UBR4: variants seen among roughly 807,000 people sequenced by gnomAD.
UBR4 encodes the protein ubiquitin protein ligase E3 component n-recognin 4, also known as E3 ubiquitin-protein ligase UBR4.
UBR4 carries 124 observed loss-of-function variants against 575.6 expected under a neutral mutation model. The ratio of observed to expected loss-of-function variants is 0.22; its 90% CI spans 0.19 to 0.25. The LOEUF is 0.25. UBR4 is among the 10% of genes least tolerant of loss of function. The pLI, the probability that UBR4 is intolerant of heterozygous loss-of-function variation, is 1.00. For missense variants in UBR4, 4,818 were observed against 6,478.8 expected, an observed-to-expected ratio of 0.74 and a Z score of 8.80; for synonymous variants, 2,455 against 2,473.7, an observed-to-expected ratio of 0.99 and a Z score of 0.22.
Position 19,170,874 on chromosome 1 carries a change from C to G in UBR4, c.3531G>C (p.Leu1177Phe). 6.2e-7 allele frequency: 1 copy of G among 1,614,130 alleles called. No homozygotes were observed. The highest frequency in any genetic ancestry group is 2.2e-5 in the East Asian group (1 of 44,874). Residue 1177 changes from leucine to phenylalanine, a missense_variant, in exon 26 of 106, where the codon TTG (leucine) becomes TTC (phenylalanine). This residue lies in a region of UBR4 where 1,172 missense variants were observed against 1,259.7 expected (regional missense o/e 0.93). Coordinates refer to ENST00000375254, the MANE Select transcript of UBR4 (RefSeq NM_020765.3). The part of the protein sequence containing the change: ...DTYASFTRAY[L>F]LQNFNEEGTT... ...TTCCCTCTTCATTAAAGTTTTGCAG[C>G]AAATAGGCTCTGGGGAAAAAACAGG... is the stretch of plus-strand genomic sequence containing the variant.
intron 31 of UBR4, 21 bp from the exon 32 acceptor site, chr1:19,165,018 C>T (rs1023967475): frequency 6.2e-7 from 1 of 1,613,140 alleles, no homozygotes. Context: ...AACAAGAGGC[C>T]AGGGTCAGTA....
intron 17 of UBR4, among the ~76,000 whole-genome samples, chr1:19,179,700 GC>G (rs144168032): frequency 0.018 from 2,733 of 152,244 alleles, 83 homozygotes; most frequent in African/African-American, 0.062. Context: ...AGATCTCAAG[GC>G]ACCCAGAACT....
intron 2 of UBR4, 120 bp downstream of exon 2, chr1:19,201,598 A>T: frequency 2.8e-6 from 2 of 726,364 alleles, no homozygotes; most frequent in Non-Finnish European, 4.3e-6. Context: ...TTGGGTGAGC[A>T]GCTTAGGAGT....
At position 19,113,739 on chromosome 1, in the gene UBR4, T is replaced by A. The variant is rs951503176; in HGVS notation, c.11417A>T (p.Asp3806Val). The change falls in exon 77 of 106, where the codon GAC (aspartate) becomes GTC (valine). Residue 3806 changes from aspartate (D) to valine (V), a missense_variant. Around this residue, in one of 29 missense-constraint regions of UBR4, gnomAD observed 333 missense variants for 459.2 expected, o/e 0.73. Coordinates refer to ENST00000375254, the MANE Select transcript of UBR4 (RefSeq NM_020765.3). ...GAGTTCATCAAAAGAGTTCTTGCAG[T>A]CTCCACAATACTCCTGAGCCAACTG... ...ILQLAQEYCG[D>V]CKNSFDELSK... The A allele has an allele frequency of 3.1e-6, 5 of 1,614,040 alleles. No individual in the cohort carries two copies. The Admixed American group carries it at 6.7e-5, about 22-fold the overall frequency.
chr1:19,204,245 A>AC (rs1477398300), intron 1 of UBR4, among the ~76,000 whole-genome samples: 9 of 151,900 alleles, frequency 5.9e-5, no homozygotes, highest in African/African-American at 2.2e-4. Context: ...CTCGTGATCC[A>AC]CTGCCTTGGC....
In UBR4 at chr1:19,118,897, T is replaced by G; in HGVS notation, c.10516A>C (p.Asn3506His). Residue 3506 changes from asparagine to histidine, a missense_variant, in exon 71 of 106, where the codon AAC becomes CAC. By Grantham distance (68) the Asn-to-His change is moderately conservative. This residue lies in a region of UBR4 where 550 missense variants were observed against 791.5 expected (regional missense o/e 0.69). Transcript: ENST00000375254. ...ILRTQNHILT[N>H]HPNSNIYNTL... ...TTATAAATGTTCGAGTTGGGGTGGTTGGTAAGAATATGGTTTTGAGTCCGC... is the reference window on the plus strand; with the variant it reads ...TTATAAATGTTCGAGTTGGGGTGGTGGGTAAGAATATGGTTTTGAGTCCGC... 1 of 1,614,160 alleles carries G rather than the reference T, an allele frequency of 6.2e-7. No homozygotes were observed. The highest frequency in any genetic ancestry group is 1.1e-5 in the South Asian group (1 of 91,080).
intron 65 of UBR4, 143 bp from the exon 66 acceptor site, chr1:19,123,203 G>A: frequency 1.1e-6 from 1 of 881,034 alleles, no homozygotes; most frequent in Non-Finnish European, 1.7e-6. Context: ...TGTAATCCCA[G>A]CACTTTGGAA....
Position 19,117,122 on chromosome 1 carries a change from T to C in UBR4, c.10823+99A>G. 2 of 1,369,794 alleles carry C rather than the reference T, an allele frequency of 1.5e-6. No homozygotes were observed. The highest frequency in any genetic ancestry group is 2.0e-6 in the Non-Finnish European group (2 of 980,634). 84.9% of individuals were successfully genotyped at this position (1,369,794 alleles called of 1,614,324 possible). On this transcript the variant is annotated intron_variant, in intron 73 of 105. Transcript: ENST00000375254. The surrounding 1 kb of genome is among the most constrained non-coding windows in gnomAD (Gnocchi z 4.0). The stretch of plus-strand genomic sequence containing the variant: ...GGGCCAAGAGGATGTATTAGGCCTC[T>C]AGGGATGTGCTGCCTTACTCCATTC...
chr1:19,103,833 C>G (rs934724141), intron 87 of UBR4, among the ~76,000 whole-genome samples: 2 of 152,134 alleles, frequency 1.3e-5, no homozygotes, highest in Admixed American at 1.3e-4. Flanking sequence ...TAGAAGACAC[C>G]AATGAGAGAG....
In UBR4 at chr1:19,157,076, C is replaced by CCTG; in HGVS notation, c.5761-152_5761-151insCAG. ...TAGAAAATCCTAGATCAGTATTAGT[C>CCTG]TCTATTACTCCTGGCTAAAAGCTAT... On this transcript the variant is annotated intron_variant, in intron 40 of 105. Coordinates refer to ENST00000375254, the MANE Select transcript of UBR4 (RefSeq NM_020765.3). This position sits in a 1 kb window ranked among gnomAD's most constrained non-coding sequence, Gnocchi z 4.4. 1.2e-6 allele frequency: 1 copy of CCTG among 812,196 alleles called. No individual in the cohort carries two copies. Among genetic ancestry groups the CCTG allele is most frequent in the Non-Finnish European group, 1.9e-6 (1 of 539,076 alleles). The allele number at this position is 812,196 out of a possible 1,614,324, so 50.3% of individuals were successfully genotyped here.
At chr1:19,102,638 C>A (rs2078758419) in intron 87 of UBR4, among the ~76,000 whole-genome samples, 1 of 152,156 alleles carries the variant, frequency 6.6e-6, no homozygotes, top group Non-Finnish European at 1.5e-5. Context: ...TAAGAGAAAT[C>A]GGGAAGCCAG....
chr1:19,148,698 A>G, intron 49 of UBR4, 72 bp from the exon 50 acceptor site: 1 of 1,560,434 alleles, frequency 6.4e-7, no homozygotes, highest in African/African-American at 1.4e-5. Context: ...TAAGCAAACT[A>G]TAGTCATGAG....
intron 32 of UBR4, 58 bp from the exon 33 acceptor site, chr1:19,164,499 T>A: frequency 6.5e-7 from 1 of 1,539,014 alleles, no homozygotes; most frequent in Non-Finnish European, 8.8e-7. Flanking sequence ...ATTCTGTGTG[T>A]TATAAAGGAA....
intron 100 of UBR4, 68 bp from the exon 101 acceptor site, chr1:19,086,338 G>T (rs540650082): frequency 3.2e-6 from 2 of 628,724 alleles, no homozygotes; most frequent in African/African-American, 1.9e-5. Flanking sequence ...ACCTGGGCGG[G>T]GGGGCGGGGG....
chr1:19,183,779 C>T (rs751070388), intron 17 of UBR4, 32 bp downstream of exon 17: 1 of 1,605,502 alleles, frequency 6.2e-7, no homozygotes, highest in South Asian at 1.1e-5. Flanking sequence ...GTGTCATGAG[C>T]TCTTGCCTAG....
intron 42 of UBR4, 53 bp from the exon 43 acceptor site, chr1:19,155,721 C>T: frequency 6.7e-7 from 1 of 1,488,540 alleles, no homozygotes; most frequent in Non-Finnish European, 9.4e-7. Context: ...GTCCCATCCC[C>T]CAAATATCTT....
At chr1:19,185,319 A>G (rs747506285) in intron 14 of UBR4, 33 bp from the exon 15 acceptor site, 2 of 1,503,576 alleles carry the variant, frequency 1.3e-6, no homozygotes, top group Non-Finnish European at 8.9e-7. Context: ...ACGAAAATAA[A>G]TATTTTTTAA....
At chr1:19,173,875 C>A (rs890450599) in intron 22 of UBR4, among the ~76,000 whole-genome samples, 9 of 152,244 alleles carry the variant, frequency 5.9e-5, no homozygotes, top group Non-Finnish European at 1.2e-4. Context: ...TATTCCAAGA[C>A]AACTTTGGCT....
chr1:19,176,232 T>C (rs2090246892), intron 20 of UBR4, among the ~76,000 whole-genome samples: 1 of 151,924 alleles, frequency 6.6e-6, no homozygotes, highest in Non-Finnish European at 1.5e-5. Context: ...GGATTACAGG[T>C]AGGCACCACC....
Sources: allele counts gnomAD v4.1 joint callset (sites outside exome capture counted in the v4.1 genomes callset), GRCh38; gene constraint gnomAD v4.1.1; regional missense constraint gnomAD v4.1.1; non-coding constraint Gnocchi (gnomAD v3.1); transcripts MANE v1.5; gene names NCBI Gene and HGNC (gene_info 2026-07-23, HGNC 2026-07-21).